Variants in ATP8B4 observed in about 807,000 individuals in gnomAD.
The protein encoded by ATP8B4 is ATPase phospholipid transporting 8B4 (putative), also known as probable phospholipid-transporting ATPase IM.
A neutral mutation model predicts 145.6 loss-of-function variants in ATP8B4; 133 were observed. That is an observed-to-expected ratio of 0.91 (90% CI 0.79 to 1.05). The LOEUF (loss-of-function observed/expected upper bound fraction) is 1.05. Among genes scored for constraint, ATP8B4 ranks in the 50% least tolerant of loss-of-function variants. ATP8B4 has a pLI of 0.00. For missense variants in ATP8B4, 1,458 were observed against 1,425.2 expected (o/e 1.02, Z -0.37); for synonymous variants, 507 against 492.9 (o/e 1.03, Z -0.38).
intron 1 of ATP8B4, among the ~76,000 whole-genome samples, chr15:50,172,672 G>T (rs538273246): frequency 5.3e-5 from 8 of 151,518 alleles, no homozygotes; most frequent in Non-Finnish European, 1.2e-4. Flanking sequence ...TCCTCTTCCC[G>T]GCCGTCATCC....
At chr15:49,887,007 G>C (rs2036269607) in intron 23 of ATP8B4, among the ~76,000 whole-genome samples, 1 of 151,858 alleles carries the variant, frequency 6.6e-6, no homozygotes, top group African/African-American at 2.4e-5. Context: ...ACGGGGTTTT[G>C]CCACGTTGGC....
intron 25 of ATP8B4, among the ~76,000 whole-genome samples, chr15:49,875,065 T>C (rs2034191521): frequency 1.3e-5 from 2 of 152,288 alleles, no homozygotes; most frequent in South Asian, 2.1e-4. Flanking sequence ...GTAGGGTTAA[T>C]TGTGAACACC....
chr15:49,891,817 T>A (rs1475492135), intron 23 of ATP8B4, among the ~76,000 whole-genome samples: 1 of 152,068 alleles, frequency 6.6e-6, no homozygotes, highest in African/African-American at 2.4e-5. Context: ...AATTATTAAA[T>A]TAAAAACAAC....
chr15:49,965,821 G>A (rs1424269302), intron 13 of ATP8B4, among the ~76,000 whole-genome samples: 1 of 152,150 alleles, frequency 6.6e-6, no homozygotes, highest in Admixed American at 6.5e-5. Flanking sequence ...CAGCTGGGGG[G>A]ACCTGGGCAA....
intron 14 of ATP8B4, among the ~76,000 whole-genome samples, chr15:49,950,073 T>C (rs1261585153): frequency 6.6e-6 from 1 of 152,226 alleles, no homozygotes; most frequent in Non-Finnish European, 1.5e-5. Flanking sequence ...AGTATTTTAT[T>C]GAAGATTTTT....
At chr15:49,982,286 T>C (rs1217745743) in intron 10 of ATP8B4, among the ~76,000 whole-genome samples, 1 of 152,184 alleles carries the variant, frequency 6.6e-6, no homozygotes, top group East Asian at 1.9e-4. Context: ...TTCATAACAA[T>C]TCATTGTCTT....
chr15:49,931,338 CT>C (rs749488735), intron 15 of ATP8B4, 31 bp from the exon 16 acceptor site: 40 of 1,585,096 alleles, frequency 2.5e-5, no homozygotes, highest in African/African-American at 4.1e-5. Flanking sequence ...TGTATCAATA[CT>C]GACTAACAGC....
intron 6 of ATP8B4, among the ~76,000 whole-genome samples, chr15:50,016,934 G>T (rs886200279): frequency 2.6e-5 from 4 of 152,150 alleles, no homozygotes; most frequent in Non-Finnish European, 5.9e-5. Context: ...CAGTGGGCAG[G>T]GGAGGTCTCA....
At chr15:49,872,612 C>G (rs968320900) in intron 25 of ATP8B4, among the ~76,000 whole-genome samples, 1 of 152,144 alleles carries the variant, frequency 6.6e-6, no homozygotes, top group Non-Finnish European at 1.5e-5. Flanking sequence ...AATCCACAAC[C>G]TCAGTCTATT....
intron 20 of ATP8B4, among the ~76,000 whole-genome samples, chr15:49,905,919 G>T (rs1054573415): frequency 1.3e-5 from 2 of 151,972 alleles, no homozygotes; most frequent in Admixed American, 6.6e-5. Context: ...GAGGTGGGTA[G>T]ATGTATAGTG....
intron 2 of ATP8B4, among the ~76,000 whole-genome samples, chr15:50,106,077 A>G (rs536888066): frequency 6.6e-6 from 1 of 152,228 alleles, no homozygotes; most frequent in African/African-American, 2.4e-5. Flanking sequence ...GTTGCAATGA[A>G]TAAGTATCCA....
In ATP8B4 at chr15:50,114,103, C is replaced by CTTTTTTTTTTTTTTTTTTTTTT. The variant is rs755159123; in HGVS notation, c.-43+4998_-43+5019dup. Among the ~76,000 whole-genome samples the CTTTTTTTTTTTTTTTTTTTTTT allele has an allele frequency of 1.1e-3, 62 of 55,646 alleles. 12 individuals are homozygous for CTTTTTTTTTTTTTTTTTTTTTT. Among genetic ancestry groups the CTTTTTTTTTTTTTTTTTTTTTT allele is most frequent in the Admixed American group, 1.7e-3 (5 of 2,958 alleles). The allele number at this position is 55,646 out of a possible 152,430, so 36.5% of individuals were successfully genotyped here. A position where few individuals can be genotyped will look rare whatever the true frequency, so the allele number is the denominator to read the frequency against. ...ATTTTCCTTCTTGGTCTCCTAGTTTCTTTTTTTTTTTTTTTTTTTTTTTTT... is the reference window on the plus strand; with the variant it reads ...ATTTTCCTTCTTGGTCTCCTAGTTTCTTTTTTTTTTTTTTTTTTTTTTTTTTTTTTTTTTTTTTTTTTTTTTT... On this transcript the variant is annotated intron_variant, in intron 1 of 27. Transcript: ENST00000284509.
intron 1 of ATP8B4, among the ~76,000 whole-genome samples, chr15:50,167,243 T>C (rs898218356): frequency 3.3e-5 from 5 of 152,208 alleles, no homozygotes; most frequent in Non-Finnish European, 5.9e-5. Flanking sequence ...CACCATAAAC[T>C]TGATGTCTTA....
At chr15:50,059,625 C>T (rs2052859352) in intron 3 of ATP8B4, among the ~76,000 whole-genome samples, 1 of 152,208 alleles carries the variant, frequency 6.6e-6, no homozygotes, top group African/African-American at 2.4e-5. Flanking sequence ...ATCCTCTTCC[C>T]TAGTGCATTC....
chr15:50,029,228 G>C (rs2050236940), intron 6 of ATP8B4, among the ~76,000 whole-genome samples: 2 of 66,332 alleles, frequency 3.0e-5, no homozygotes, highest in African/African-American at 1.7e-4. Flanking sequence ...AACAGAGCAA[G>C]ACTCCATCTT....
intron 2 of ATP8B4, among the ~76,000 whole-genome samples, chr15:50,078,240 G>A (rs978285129): frequency 6.6e-6 from 1 of 151,230 alleles, no homozygotes; most frequent in African/African-American, 2.4e-5. Flanking sequence ...GTATGCAGTG[G>A]CACAATTGTA....
At chr15:49,982,682 T>G (rs1355185516) in intron 10 of ATP8B4, 1 of 152,202 alleles carries the variant, frequency 6.6e-6, no homozygotes, top group Non-Finnish European at 1.5e-5. Context: ...GCACACAGAC[T>G]AATAAGGAAT....
At chr15:50,089,478 T>A (rs1225937854) in intron 2 of ATP8B4, among the ~76,000 whole-genome samples, 1 of 151,994 alleles carries the variant, frequency 6.6e-6, no homozygotes, top group African/African-American at 2.4e-5. Flanking sequence ...GGACATGAAC[T>A]TCTCAAAAGA....
upstream of ATP8B4, among the ~76,000 whole-genome samples, chr15:50,123,968 C>T (rs989281202): frequency 6.6e-6 from 1 of 152,080 alleles, no homozygotes; most frequent in African/African-American, 2.4e-5. Flanking sequence ...TCTTCCTGCA[C>T]CCCAGAGCAG....
Sources: allele counts gnomAD v4.1 joint callset (sites outside exome capture counted in the v4.1 genomes callset), GRCh38; gene constraint gnomAD v4.1.1; transcripts MANE v1.5; gene names NCBI Gene and HGNC (gene_info 2026-07-23, HGNC 2026-07-21).